The following PDE3A variants were observed in gnomAD, a reference collection of about 807,000 sequenced individuals.
PDE3A encodes the protein phosphodiesterase 3A.
A neutral mutation model predicts 98.3 loss-of-function variants in PDE3A; 43 were observed. The observed-to-expected ratio is 0.44, with a 90% CI of 0.34 to 0.56. PDE3A has a LOEUF of 0.56. Among genes scored for constraint, PDE3A ranks in the 20% least tolerant of loss-of-function variants. The pLI, the probability that PDE3A is intolerant of heterozygous loss-of-function variation, is 0.01. For synonymous variants in PDE3A, 663 were observed against 567.9 expected (o/e 1.17, Z -2.38); for missense variants, 1,427 against 1,440.7 (o/e 0.99, Z 0.15).
chr12:20,640,021 G>A, intron 10 of PDE3A, 64 bp downstream of exon 10: 1 of 757,590 alleles, frequency 1.3e-6, no homozygotes, highest in Admixed American at 1.9e-5. Flanking sequence ...TGGGTAAATG[G>A]GATAGTGAAT....
At chr12:20,676,774 C>T (rs1310566688) in intron 15 of PDE3A, among the ~76,000 whole-genome samples, 3 of 152,164 alleles carry the variant, frequency 2.0e-5, no homozygotes, top group African/African-American at 4.8e-5. Flanking sequence ...GCTGGGATTA[C>T]AGGCGTGAGC....
chr12:20,568,677 T>G (rs1942721591), intron 2 of PDE3A, among the ~76,000 whole-genome samples: 1 of 152,032 alleles, frequency 6.6e-6, no homozygotes, highest in Non-Finnish European at 1.5e-5. Flanking sequence ...TATTAAAATT[T>G]TCTGTATTTG....
chr12:20,454,372 G>A (rs140095623), intron 1 of PDE3A, among the ~76,000 whole-genome samples: 89 of 152,176 alleles, frequency 5.8e-4, no homozygotes, highest in African/African-American at 2.1e-3. Context: ...ACCAGCTGAC[G>A]TGTTATTGTT....
chr12:20,444,692 A>G (rs541669770), intron 1 of PDE3A, among the ~76,000 whole-genome samples: 5 of 152,312 alleles, frequency 3.3e-5, no homozygotes, highest in African/African-American at 1.2e-4. Flanking sequence ...GCCAGGACTC[A>G]GTGTCAGCCC....
chr12:20,431,627 A>ACG (rs1944700522), intron 1 of PDE3A, among the ~76,000 whole-genome samples: 1 of 149,014 alleles, frequency 6.7e-6, no homozygotes, highest in Non-Finnish European at 1.5e-5. Flanking sequence ...ACACACGCAC[A>ACG]CACACGCACG....
At chr12:20,585,126 C>T (rs1943162161) in intron 2 of PDE3A, among the ~76,000 whole-genome samples, 1 of 152,164 alleles carries the variant, frequency 6.6e-6, no homozygotes, top group Non-Finnish European at 1.5e-5. Context: ...CATTTTCTAT[C>T]CCTAAGCCGT....
At chr12:20,457,820 C>T (rs1250701435) in intron 1 of PDE3A, among the ~76,000 whole-genome samples, 2 of 151,750 alleles carry the variant, frequency 1.3e-5, no homozygotes, top group Non-Finnish European at 2.9e-5. Context: ...CTGAACTATG[C>T]CCTGATTAAA....
At chr12:20,601,589 C>CA in intron 2 of PDE3A, among the ~76,000 whole-genome samples, 1 of 152,232 alleles carries the variant, frequency 6.6e-6, no homozygotes, top group Non-Finnish European at 1.5e-5. Context: ...GGGAAGAAGT[C>CA]ACGTTTCTAA....
At chr12:20,617,268 C>A (rs1228284932) in intron 4 of PDE3A, among the ~76,000 whole-genome samples, 1 of 152,096 alleles carries the variant, frequency 6.6e-6, no homozygotes, top group Non-Finnish European at 1.5e-5. Flanking sequence ...AGAAATATTT[C>A]AGATGATAAG....
intron 10 of PDE3A, among the ~76,000 whole-genome samples, chr12:20,640,341 T>C (rs1340631942): frequency 6.6e-6 from 1 of 152,116 alleles, no homozygotes; most frequent in Non-Finnish European, 1.5e-5. Context: ...AATAAATAAA[T>C]ACTAAATTTA....
chr12:20,431,613 A>ACG (rs1944698570), intron 1 of PDE3A, among the ~76,000 whole-genome samples: 1 of 150,926 alleles, frequency 6.6e-6, no homozygotes, highest in East Asian at 1.9e-4. Flanking sequence ...ACACACACAC[A>ACG]CACACACACG....
At chr12:20,536,087 G>A (rs1446168804) in intron 1 of PDE3A, among the ~76,000 whole-genome samples, 1 of 152,086 alleles carries the variant, frequency 6.6e-6, no homozygotes, top group East Asian at 1.9e-4. Context: ...AATGTAAGTG[G>A]AAAGATTCCT....
intron 1 of PDE3A, among the ~76,000 whole-genome samples, chr12:20,533,478 C>CTTTTTTT (rs10707682): frequency 2.0e-4 from 25 of 124,640 alleles, no homozygotes; most frequent in African/African-American, 4.0e-4. Flanking sequence ...GTTTCTTTTT[C>CTTTTTTT]TTTTTTTTTT....
chr12:20,543,352 C>G (rs1468194546), intron 1 of PDE3A, among the ~76,000 whole-genome samples: 5 of 151,768 alleles, frequency 3.3e-5, no homozygotes, highest in African/African-American at 1.2e-4. Context: ...AAGTGCAAGT[C>G]CTTTCCATAT....
intron 2 of PDE3A, among the ~76,000 whole-genome samples, chr12:20,565,476 C>A (rs1381281625): frequency 6.6e-6 from 1 of 151,646 alleles, no homozygotes; most frequent in Non-Finnish European, 1.5e-5. Flanking sequence ...AAAGATTGTG[C>A]CAAAAATAAT....
chr12:20,589,965 A>G (rs967895736), intron 2 of PDE3A, among the ~76,000 whole-genome samples: 1 of 152,068 alleles, frequency 6.6e-6, no homozygotes, highest in Admixed American at 6.5e-5. Context: ...CACGGTCATA[A>G]TAGGTTACCT....
chr12:20,423,175 T>C (rs1233720894), intron 1 of PDE3A, among the ~76,000 whole-genome samples: 1 of 152,186 alleles, frequency 6.6e-6, no homozygotes, highest in Non-Finnish European at 1.5e-5. Flanking sequence ...ATTTATAAAA[T>C]ATCCAGAGGA....
intron 1 of PDE3A, among the ~76,000 whole-genome samples, chr12:20,472,873 C>A (rs1945464276): frequency 6.6e-6 from 1 of 152,124 alleles, no homozygotes; most frequent in South Asian, 2.1e-4. Context: ...TTAAAGAATG[C>A]ATACTTTCAG....
intron 2 of PDE3A, among the ~76,000 whole-genome samples, chr12:20,579,669 C>G (rs560077636): frequency 1.8e-4 from 28 of 152,274 alleles, no homozygotes; most frequent in African/African-American, 6.7e-4. Context: ...CAGGCCCCTC[C>G]CCTATTGCCT....
Sources: allele counts gnomAD v4.1 joint callset (sites outside exome capture counted in the v4.1 genomes callset), GRCh38; gene constraint gnomAD v4.1.1; transcripts MANE v1.5; gene names NCBI Gene and HGNC (gene_info 2026-07-23, HGNC 2026-07-21).